KANSL2: variants seen among roughly 807,000 people sequenced by gnomAD.
The protein encoded by KANSL2 is NSL complex protein NSL2.
A neutral mutation model predicts 55.6 loss-of-function variants in KANSL2; 34 were observed. The observed-to-expected ratio is 0.61, with a 90% CI of 0.46 to 0.81. KANSL2 has a LOEUF of 0.81. Among genes scored for constraint, KANSL2 ranks in the 40% least tolerant of loss-of-function variants. The pLI, the probability that KANSL2 is intolerant of heterozygous loss-of-function variation, is 0.00. For missense variants in KANSL2, 502 were observed against 609.9 expected, an observed-to-expected ratio of 0.82 and a Z score of 1.86; for synonymous variants, 209 against 214.3, an observed-to-expected ratio of 0.98 and a Z score of 0.22.
rs765084330 is a variant in KANSL2 at position 48,654,097 on chromosome 12, G to A, written c.1426C>T (p.Gln476Ter). 1 of 1,612,874 alleles carries A rather than the reference G, an allele frequency of 6.2e-7. No individual in the cohort carries two copies. Among genetic ancestry groups the A allele is most frequent in the East Asian group, 2.2e-5 (1 of 44,862 alleles). ...CCATTTGCAGTAGCCAATCCACTCT[G>A]AGACAATGGTGCAGAGGCTTTCTCA... ...NSEKASAPLS[Q>*]SGLATANGKP... The change falls in exon 10 of 10, where the codon CAG becomes TAG. Residue 476 changes from glutamine (Q) to a stop codon, truncating the protein, a stop_gained. Coordinates refer to ENST00000420613, the MANE Select transcript of KANSL2 (RefSeq NM_017822.4). LOFTEE classifies it high-confidence loss of function.
intron 3 of KANSL2, 121 bp from the exon 4 acceptor site, chr12:48,679,271 A>C (rs777275693): frequency 1.6e-5 from 12 of 748,510 alleles, no homozygotes; most frequent in Middle Eastern, 2.3e-4. Context: ...AAAAAAAAAA[A>C]CACTTAGTAC....
chr12:48,666,338 G>C (rs998687616), intron 7 of KANSL2, among the ~76,000 whole-genome samples: 2 of 151,826 alleles, frequency 1.3e-5, no homozygotes, highest in Admixed American at 1.3e-4. Context: ...GACTGCTTAA[G>C]CCCAGCAGTT....
rs555044177 is a variant in KANSL2, at chr12:48,657,651, T to C, written c.1228-2591A>G. 2.0e-5 allele frequency among the ~76,000 whole-genome samples: 3 copies of C among 152,204 alleles called. 1 individual carries two copies. The highest frequency in any genetic ancestry group is 2.0e-4 in the Admixed American group (3 of 15,278). On this transcript the variant is annotated intron_variant, in intron 8 of 9. Transcript: ENST00000420613. Reference sequence around the variant, plus strand: ...GTGTGTGTGAGACAGAGTTTCACTCTTGTTACCCAGGCTGGAGTGCAATGG... The same window carrying C: ...GTGTGTGTGAGACAGAGTTTCACTCCTGTTACCCAGGCTGGAGTGCAATGG...
At chr12:48,660,730 C>T in intron 7 of KANSL2, 111 bp from the exon 8 acceptor site, 1 of 1,100,300 alleles carries the variant, frequency 9.1e-7, no homozygotes. Flanking sequence ...AGATAAATTA[C>T]AACTACATTT....
intron 5 of KANSL2, among the ~76,000 whole-genome samples, chr12:48,671,583 C>CCA (rs1426419146): frequency 6.6e-6 from 1 of 152,130 alleles, no homozygotes; most frequent in Non-Finnish European, 1.5e-5. Flanking sequence ...TTACAACTGC[C>CCA]CACAGTATTC....
At chr12:48,664,151 G>C (rs186036592) in intron 7 of KANSL2, among the ~76,000 whole-genome samples, 1 of 152,040 alleles carries the variant, frequency 6.6e-6, no homozygotes, top group East Asian at 1.9e-4. Context: ...CTGACCTCAG[G>C]TGATCCACCC....
intron 7 of KANSL2, among the ~76,000 whole-genome samples, chr12:48,665,213 A>T (rs1939571864): frequency 6.6e-6 from 1 of 152,224 alleles, no homozygotes; most frequent in Admixed American, 6.5e-5. Flanking sequence ...TAAGCAAAAT[A>T]AAAATCAGCT....
At chr12:48,676,551 G>A (rs567907154) in intron 4 of KANSL2, among the ~76,000 whole-genome samples, 6 of 152,142 alleles carry the variant, frequency 3.9e-5, no homozygotes, top group East Asian at 3.9e-4. Context: ...CCAGCTACTC[G>A]GGAGGCTGAG....
Position 48,679,720 on chromosome 12 carries a change from T to C in KANSL2, c.365A>G (p.Tyr122Cys). 1 of 1,613,052 alleles carries C rather than the reference T, an allele frequency of 6.2e-7. No individual in the cohort carries two copies. The highest frequency in any genetic ancestry group is 8.5e-7 in the Non-Finnish European group (1 of 1,179,510). The change falls in exon 3 of 10, where the codon TAT (tyrosine) becomes TGT (cysteine). Residue 122 changes from tyrosine to cysteine, a missense_variant. Physicochemically the swap from Tyr to Cys is radical, Grantham distance 194 (BLOSUM62 -2). Coordinates refer to ENST00000420613, the MANE Select transcript of KANSL2 (RefSeq NM_017822.4). Reference protein sequence around the residue: ...GETLLCQLSSYAKTELGSQTP... With the variant: ...GETLLCQLSSCAKTELGSQTP... ...CTGAGACCCCAGCTCTGTCTTAGCA[T>C]ATGAGCTCAGCTGGCACAGGAGTGT... is the stretch of plus-strand genomic sequence containing the variant.
At chr12:48,654,845 C>G in intron 9 of KANSL2, 96 bp downstream of exon 9, 1 of 1,271,682 alleles carries the variant, frequency 7.9e-7, no homozygotes, top group Non-Finnish European at 1.1e-6. Context: ...TGATGACACC[C>G]CACTCCCCTC....
At position 48,681,707 on chromosome 12, in the gene KANSL2, C is replaced by A. The variant is rs757148204; in HGVS notation, c.-9-66G>T. 3.7e-6 allele frequency: 6 copies of A among 1,602,762 alleles called. No individual in the cohort carries two copies. In the South Asian group the frequency reaches 5.5e-5, roughly 15 times the overall value. The stretch of plus-strand genomic sequence containing the variant: ...CCGAAAATTCCTGCTCCACACAGAT[C>A]GCGCGGACAGTTTCCAAAGGACATG... On this transcript the variant is annotated intron_variant, in intron 1 of 9. Coordinates refer to ENST00000420613, the MANE Select transcript of KANSL2 (RefSeq NM_017822.4).
At chr12:48,672,433 A>ATATATATATTTTT (rs371918890) in intron 4 of KANSL2, among the ~76,000 whole-genome samples, 3 of 120,384 alleles carry the variant, frequency 2.5e-5, no homozygotes, top group African/African-American at 7.3e-5. Flanking sequence ...ATATATATAT[A>ATATATATATTTTT]TTTTTTTTTT....
Position 48,660,604 on chromosome 12 carries a change from G to C in KANSL2, c.989C>G (p.Thr330Arg). 6.2e-7 allele frequency: 1 copy of C among 1,612,258 alleles called. No individual in the cohort carries two copies. The highest frequency in any genetic ancestry group is 8.5e-7 in the Non-Finnish European group (1 of 1,178,970). The change falls in exon 8 of 10, where the codon ACG (threonine) becomes AGG (arginine). Residue 330 changes from threonine (T) to arginine (R), a missense_variant. Thr to Arg is a moderately conservative substitution (Grantham distance 71). Coordinates refer to ENST00000420613, the MANE Select transcript of KANSL2 (RefSeq NM_017822.4). ...GCAGCACTTGAAGAGAACCTGATTC[G>C]TATCCTGACAAATATCTGTAGAAAA... ...RHCLTHICQD[T>R]NQVLFKCCQG...
At chr12:48,674,069 T>C (rs1422348388) in intron 4 of KANSL2, among the ~76,000 whole-genome samples, 1 of 152,232 alleles carries the variant, frequency 6.6e-6, no homozygotes, top group African/African-American at 2.4e-5. Context: ...TTAAGTTTCA[T>C]ACTGAGTAAA....
rs1290140872 is a variant in KANSL2, at chr12:48,660,624, A to G, written c.974-5T>C. 6 of 1,609,438 alleles carry G rather than the reference A, an allele frequency of 3.7e-6. No homozygotes were observed. Among genetic ancestry groups the G allele is most frequent in the Non-Finnish European group, 3.4e-6 (4 of 1,177,080 alleles). ...GATTCGTATCCTGACAAATATCTGT[A>G]GAAAAATGGTCAAGGGAAATAAAAC... On this transcript the variant is annotated splice_polypyrimidine_tract_variant and splice_region_variant and intron_variant, in intron 7 of 9. Coordinates refer to ENST00000420613, the MANE Select transcript of KANSL2 (RefSeq NM_017822.4).
In KANSL2 at chr12:48,654,023, G is replaced by A. The variant is rs924736228; in HGVS notation, c.*21C>T. On this transcript the variant is annotated 3_prime_UTR_variant, in exon 10 of 10. Coordinates refer to ENST00000420613, the MANE Select transcript of KANSL2 (RefSeq NM_017822.4). ...GAACGAGAAATTTAAATCCACCAAA[G>A]TAAAATGGTTCCCCAAACTATCAAC... 2.6e-6 allele frequency: 4 copies of A among 1,560,258 alleles called. No individual in the cohort carries two copies. In the African/African-American group the frequency reaches 5.5e-5, roughly 22 times the overall value.
chr12:48,658,931 G>C (rs1460128982), intron 8 of KANSL2, among the ~76,000 whole-genome samples: 1 of 152,074 alleles, frequency 6.6e-6, no homozygotes, highest in Non-Finnish European at 1.5e-5. Flanking sequence ...CAGAATGAAC[G>C]GCTGTGTTTT....
At chr12:48,654,407 C>G in intron 9 of KANSL2, 1 of 749,740 alleles carries the variant, frequency 1.3e-6, no homozygotes, top group South Asian at 1.4e-5. Flanking sequence ...ATGAAATAGC[C>G]ATTCCCTACT....
rs756692696 is a variant in KANSL2, at chr12:48,653,899, T to C, written c.*145A>G. 35 of 730,418 alleles carry C rather than the reference T, an allele frequency of 4.8e-5. No homozygotes were observed. The highest frequency in any genetic ancestry group is 6.8e-5 in the Non-Finnish European group (33 of 481,800). 45.2% of individuals were successfully genotyped at this position (730,418 alleles called of 1,614,324 possible). On this transcript the variant is annotated 3_prime_UTR_variant, in exon 10 of 10. Coordinates refer to ENST00000420613, the MANE Select transcript of KANSL2 (RefSeq NM_017822.4). ...AACCCACGGTCCACGTCCTCAAAAT[T>C]TGGCTTTACGTTTGACTATAATACT...
Sources: allele counts gnomAD v4.1 joint callset (sites outside exome capture counted in the v4.1 genomes callset), GRCh38; gene constraint gnomAD v4.1.1; transcripts MANE v1.5; gene names NCBI Gene and HGNC (gene_info 2026-07-23, HGNC 2026-07-21).